The following MAD1L1 variants were observed in gnomAD, a reference collection of about 807,000 sequenced individuals.
MAD1L1 encodes the protein mitotic arrest deficient 1 like 1, also known as mitotic spindle assembly checkpoint protein MAD1.
A neutral mutation model predicts 96.9 loss-of-function variants in MAD1L1; 95 were observed. The ratio of observed to expected loss-of-function variants is 0.98; its 90% CI spans 0.83 to 1.16. The LOEUF (loss-of-function observed/expected upper bound fraction) is 1.16. Among genes scored for constraint, MAD1L1 ranks in the 50% most tolerant of loss-of-function variants. The pLI is 0.00. For synonymous variants in MAD1L1, 473 were observed against 396.6 expected (o/e 1.19, Z -2.29); for missense variants, 1,007 against 954.4 (o/e 1.06, Z -0.73).
intron 17 of MAD1L1, among the ~76,000 whole-genome samples, chr7:1,918,547 A>C (rs1293235842): frequency 1.3e-5 from 2 of 152,224 alleles, no homozygotes; most frequent in African/African-American, 4.8e-5. Flanking sequence ...GCAGGCAGCC[A>C]GGCGGGTGTG....
intron 18 of MAD1L1, chr7:1,847,301 C>T (rs6954673): frequency 0.33 from 153,898 of 470,886 alleles, 27,128 homozygotes; most frequent in East Asian, 0.45. Flanking sequence ...CTGCAGGAGC[C>T]GCTGGATTAC....
At position 1,865,033 on chromosome 7, in the gene MAD1L1, C is replaced by A. The variant is rs192237850; in HGVS notation, c.1998+33167G>T. Among the ~76,000 whole-genome samples the A allele has an allele frequency of 1.8e-3, 271 of 152,302 alleles. 1 individual carries two copies. The highest frequency in any genetic ancestry group is 2.5e-3 in the Non-Finnish European group (167 of 68,012). On this transcript the variant is annotated intron_variant, in intron 18 of 18. Transcript: ENST00000265854. ...ACCACGCCCGCAGCTCAAGTCCCCA[C>A]CTCACGCCCACTGACCACGCTCTCA...
intron 10 of MAD1L1, among the ~76,000 whole-genome samples, chr7:2,186,696 G>T (rs971004240): frequency 6.6e-6 from 1 of 152,132 alleles, no homozygotes; most frequent in Admixed American, 6.5e-5. Flanking sequence ...GCCTCTTCTC[G>T]CCTTGAGGGA....
intron 10 of MAD1L1, among the ~76,000 whole-genome samples, chr7:2,210,620 C>T (rs1026086315): frequency 1.3e-5 from 2 of 152,096 alleles, no homozygotes; most frequent in East Asian, 1.9e-4. Context: ...TGACGTCCAG[C>T]GTGAGTCACC....
chr7:2,213,676 C>CCCTGGAGCAGACAGACTCAGT (rs879408224), intron 9 of MAD1L1, among the ~76,000 whole-genome samples: 295 of 152,290 alleles, frequency 1.9e-3, no homozygotes, highest in Non-Finnish European at 3.3e-3. Flanking sequence ...GGGAACCAAG[C>CCCTGGAGCAGACAGACTCAGT]CCTGGAGCAG....
intron 11 of MAD1L1, among the ~76,000 whole-genome samples, chr7:2,125,348 C>A (rs1301074869): frequency 6.6e-6 from 1 of 152,142 alleles, no homozygotes; most frequent in Non-Finnish European, 1.5e-5. Context: ...ACACAAGCAG[C>A]AGCCCTGAGC....
Position 2,028,901 on chromosome 7 carries a change from T to C in MAD1L1, c.1219-14259A>G, listed in dbSNP as rs184694967. Among the ~76,000 whole-genome samples, 11 of 150,786 alleles carry C rather than the reference T, an allele frequency of 7.3e-5. No individual in the cohort carries two copies. In the East Asian group the frequency reaches 2.1e-3, roughly 29 times the overall value. On this transcript the variant is annotated intron_variant, in intron 12 of 18. Transcript: ENST00000265854. ...AAAAAAAAAATAAGGCTTCACACAGTGCAACAAGGCTGCGCAGGGCAACAA... is the reference window on the plus strand; with the variant it reads ...AAAAAAAAAATAAGGCTTCACACAGCGCAACAAGGCTGCGCAGGGCAACAA...
chr7:1,938,999 GCACACACACACACACA>G (rs66527139), intron 16 of MAD1L1, among the ~76,000 whole-genome samples: 3 of 48,674 alleles, frequency 6.2e-5, no homozygotes, highest in East Asian at 7.9e-4. Flanking sequence ...GCACACACAC[GCACACACACACACACA>G]CACACACATG....
At chr7:1,894,723 G>A (rs1018482049) in intron 18 of MAD1L1, among the ~76,000 whole-genome samples, 4 of 152,084 alleles carry the variant, frequency 2.6e-5, no homozygotes, top group Non-Finnish European at 4.4e-5. Context: ...GGGGCGAGCG[G>A]GGTGCTAGGC....
At chr7:2,166,470 T>C (rs946924221) in intron 10 of MAD1L1, among the ~76,000 whole-genome samples, 2 of 145,252 alleles carry the variant, frequency 1.4e-5, no homozygotes, top group Admixed American at 1.4e-4. Flanking sequence ...CTGTTTGAAC[T>C]GTTCAAGCTA....
chr7:1,860,561 C>G (rs531724162), intron 18 of MAD1L1, among the ~76,000 whole-genome samples: 3 of 152,062 alleles, frequency 2.0e-5, no homozygotes, highest in Non-Finnish European at 4.4e-5. Context: ...TCCCTCGTCC[C>G]TCACAAAACG....
At chr7:2,180,206 G>A (rs114895335) in intron 10 of MAD1L1, among the ~76,000 whole-genome samples, 1,852 of 152,270 alleles carry the variant, frequency 0.012, 41 homozygotes, top group African/African-American at 0.042. Flanking sequence ...TGCATGTTGC[G>A]CACAGGCTCG....
rs558318638 is a variant in MAD1L1, at chr7:2,097,685, C to T, written c.1074-28347G>A. Among the ~76,000 whole-genome samples the T allele has an allele frequency of 1.3e-4, 20 of 152,314 alleles. No homozygotes were observed. In the East Asian group the frequency reaches 3.1e-3, roughly 24 times the overall value. ...AGGCCTCTGGAGGTGCAGAAGGGCA[C>T]GCCCCTGGCACAGGGGATGAGGCAA... On this transcript the variant is annotated intron_variant, in intron 11 of 18. Transcript: ENST00000265854.
chr7:1,997,830 G>T (rs1562593991), intron 14 of MAD1L1, among the ~76,000 whole-genome samples: 1 of 152,198 alleles, frequency 6.6e-6, no homozygotes, highest in African/African-American at 2.4e-5. Flanking sequence ...CCTCTGAAGG[G>T]CTTTGCATGG....
intron 17 of MAD1L1, among the ~76,000 whole-genome samples, chr7:1,900,761 T>G (rs554316591): frequency 2.7e-5 from 4 of 150,564 alleles, no homozygotes; most frequent in Non-Finnish European, 4.4e-5. Context: ...ATTTTGGTAA[T>G]AAATGCAAGC....
At chr7:2,085,502 G>C (rs1022053071) in intron 11 of MAD1L1, among the ~76,000 whole-genome samples, 2 of 152,210 alleles carry the variant, frequency 1.3e-5, no homozygotes, top group East Asian at 3.8e-4. Flanking sequence ...ATGAGGCCAC[G>C]GCAGTGTCTC....
chr7:1,995,543 G>A (rs1781517185), intron 14 of MAD1L1, among the ~76,000 whole-genome samples: 1 of 152,172 alleles, frequency 6.6e-6, no homozygotes, highest in Non-Finnish European at 1.5e-5. Context: ...GCGGGCGCAG[G>A]AGCCCCAGGC....
intron 11 of MAD1L1, among the ~76,000 whole-genome samples, chr7:2,080,420 C>G (rs1036252093): frequency 1.3e-5 from 2 of 152,198 alleles, no homozygotes; most frequent in South Asian, 2.1e-4. Flanking sequence ...GACTGCATGT[C>G]CCCCACAAGA....
chr7:2,038,233 C>T (rs1783524296), intron 12 of MAD1L1, among the ~76,000 whole-genome samples: 2 of 152,260 alleles, frequency 1.3e-5, no homozygotes, highest in South Asian at 4.1e-4. Context: ...ATGAGGTTTA[C>T]ATTAAGAGGC....
Sources: gnomAD v4.1 joint callset for allele counts (sites outside exome capture counted in the v4.1 genomes callset) on GRCh38, gnomAD v4.1.1 for gene constraint, MANE v1.5 for transcripts, NCBI Gene and HGNC (gene_info 2026-07-23, HGNC 2026-07-21) for gene names.